Variants in SNTG1 observed in about 807,000 individuals in gnomAD.
SNTG1 encodes gamma-1-syntrophin.
A neutral mutation model predicts 74.7 loss-of-function variants in SNTG1; 39 were observed. That is an observed-to-expected ratio of 0.52 (90% CI 0.40 to 0.68). The LOEUF is 0.68. Ranked by LOEUF, SNTG1 falls within the 30% of genes least tolerant of loss-of-function variation. The pLI is 0.00. For missense variants in SNTG1, 685 were observed against 609.5 expected (o/e 1.12, Z -1.30); for synonymous variants, 254 against 217.1 (o/e 1.17, Z -1.49).
intron 8 of SNTG1, among the ~76,000 whole-genome samples, chr8:50,454,829 T>TAAAAAAAAAAAAAAAAAAAAAAAAAA (rs1158732952): frequency 8.4e-5 from 8 of 95,152 alleles, no homozygotes; most frequent in African/African-American, 3.5e-4. Flanking sequence ...CAGACAGAGC[T>TAAAAAAAAAAAAAAAAAAAAAAAAAA]AAAAAAAAAA....
intron 10 of SNTG1, among the ~76,000 whole-genome samples, chr8:50,532,094 G>C (rs558462545): frequency 2.6e-5 from 4 of 152,106 alleles, no homozygotes; most frequent in African/African-American, 7.2e-5. Flanking sequence ...TCTTCTTACT[G>C]GAGCTATGTC....
chr8:50,342,598 CTCAA>C (rs1441405249), intron 2 of SNTG1, among the ~76,000 whole-genome samples: 3 of 152,130 alleles, frequency 2.0e-5, no homozygotes, highest in African/African-American at 7.2e-5. Flanking sequence ...CTGCCAATGA[CTCAA>C]TCATGTTACA....
chr8:50,340,197 TTTTGTAGATAC>T (rs1198771211), intron 2 of SNTG1, among the ~76,000 whole-genome samples: 3 of 152,028 alleles, frequency 2.0e-5, no homozygotes, highest in Admixed American at 1.3e-4. Context: ...CAGCAAGGTA[TTTTGTAGATAC>T]TAATAAACTG....
chr8:50,227,850 G>A (rs1351666865), intron 2 of SNTG1, among the ~76,000 whole-genome samples: 1 of 148,592 alleles, frequency 6.7e-6, no homozygotes, highest in South Asian at 2.1e-4. Context: ...AAAAGGTAAG[G>A]TCTATTTCAT....
At chr8:50,739,979 A>G (rs2095539053) in intron 17 of SNTG1, among the ~76,000 whole-genome samples, 1 of 152,028 alleles carries the variant, frequency 6.6e-6, no homozygotes, top group African/African-American at 2.4e-5. Flanking sequence ...AACACAAGAT[A>G]TATTAAAGAC....
At chr8:50,277,950 G>A (rs1673616457) in intron 2 of SNTG1, among the ~76,000 whole-genome samples, 1 of 152,164 alleles carries the variant, frequency 6.6e-6, no homozygotes, top group Non-Finnish European at 1.5e-5. Context: ...TAGGCAAGTG[G>A]ATCACTTGAG....
chr8:50,352,951 C>G (rs987464311), intron 2 of SNTG1, among the ~76,000 whole-genome samples: 1 of 152,090 alleles, frequency 6.6e-6, no homozygotes, highest in African/African-American at 2.4e-5. Flanking sequence ...GAGACACACA[C>G]ACACGTATGT....
At chr8:49,973,757 G>A (rs1030176581) in intron 1 of SNTG1, among the ~76,000 whole-genome samples, 4 of 152,134 alleles carry the variant, frequency 2.6e-5, no homozygotes, top group African/African-American at 7.2e-5. Context: ...AGATACAGAG[G>A]TCAAGAAAGG....
At chr8:50,144,533 T>C (rs1258300753) in intron 1 of SNTG1, among the ~76,000 whole-genome samples, 1 of 152,124 alleles carries the variant, frequency 6.6e-6, no homozygotes, top group East Asian at 1.9e-4. Flanking sequence ...GTGCTGTAAG[T>C]GAAGGGTGAG....
intron 1 of SNTG1, among the ~76,000 whole-genome samples, chr8:50,005,955 CTTTTTTTTTTT>C (rs57041850): frequency 2.2e-5 from 2 of 89,376 alleles, no homozygotes; most frequent in African/African-American, 7.3e-5. Context: ...ATTACTTGCA[CTTTTTTTTTTT>C]TTTTTTTTTT....
Position 50,793,875 on chromosome 8 carries a change from T to C in SNTG1, c.*1046T>C, listed in dbSNP as rs1472813211. On this transcript the variant is annotated 3_prime_UTR_variant, in exon 19 of 19. Coordinates refer to ENST00000642720, the MANE Select transcript of SNTG1 (RefSeq NM_018967.5). Reference sequence around the variant, plus strand: ...GAGAAACAAAGGTGATATTTAAAGATAAAAGTTAAAATTCTTTAACCTCCC... The same window carrying C: ...GAGAAACAAAGGTGATATTTAAAGACAAAAGTTAAAATTCTTTAACCTCCC... The C allele has an allele frequency of 2.0e-5, 3 of 151,884 alleles. No homozygotes were observed. Among genetic ancestry groups the C allele is most frequent in the East Asian group, 3.9e-4 (2 of 5,184 alleles). 9.4% of individuals were successfully genotyped at this position (151,884 alleles called of 1,614,324 possible).
intron 1 of SNTG1, among the ~76,000 whole-genome samples, chr8:50,006,106 G>T (rs1413068365): frequency 3.3e-5 from 5 of 151,612 alleles, no homozygotes; most frequent in African/African-American, 4.8e-5. Context: ...GGGATTACAG[G>T]TGCATGCCAC....
chr8:50,549,427 C>T (rs555845916), intron 11 of SNTG1, among the ~76,000 whole-genome samples: 51 of 152,068 alleles, frequency 3.4e-4, no homozygotes, highest in Middle Eastern at 3.2e-3. Context: ...ATGTTCTGTC[C>T]TCACACACAG....
chr8:50,473,553 G>C (rs2093670308), intron 8 of SNTG1, among the ~76,000 whole-genome samples: 1 of 152,176 alleles, frequency 6.6e-6, no homozygotes, highest in Non-Finnish European at 1.5e-5. Context: ...ATGATCCAGA[G>C]TGTCTCCTCT....
intron 9 of SNTG1, among the ~76,000 whole-genome samples, chr8:50,524,863 T>C (rs1378730225): frequency 1.3e-5 from 2 of 152,126 alleles, no homozygotes; most frequent in African/African-American, 2.4e-5. Flanking sequence ...GGAATGACTG[T>C]ATAGTTATTT....
At chr8:50,409,199 A>G (rs2092916890) in intron 4 of SNTG1, among the ~76,000 whole-genome samples, 1 of 152,194 alleles carries the variant, frequency 6.6e-6, no homozygotes, top group African/African-American at 2.4e-5. Context: ...CTCTAATTTT[A>G]GTTATGCAGA....
At chr8:50,671,421 C>T (rs1328391188) in intron 15 of SNTG1, among the ~76,000 whole-genome samples, 1 of 150,918 alleles carries the variant, frequency 6.6e-6, no homozygotes, top group East Asian at 2.0e-4. Flanking sequence ...GATATTTATG[C>T]AGCCAAAAGA....
intron 1 of SNTG1, among the ~76,000 whole-genome samples, chr8:49,969,453 A>G (rs1180727473): frequency 7.0e-5 from 9 of 127,916 alleles, no homozygotes; most frequent in Non-Finnish European, 1.2e-4. Context: ...CAGGAGTGCA[A>G]TGGTGCAATC....
At chr8:50,239,365 G>A (rs978091781) in intron 2 of SNTG1, among the ~76,000 whole-genome samples, 9 of 152,166 alleles carry the variant, frequency 5.9e-5, no homozygotes, top group Non-Finnish European at 1.2e-4. Flanking sequence ...CATGGCTGGA[G>A]AAGTCTCAGG....
Sources: gnomAD v4.1 joint callset for allele counts (sites outside exome capture counted in the v4.1 genomes callset) on GRCh38, gnomAD v4.1.1 for gene constraint, MANE v1.5 for transcripts, NCBI Gene and HGNC (gene_info 2026-07-23, HGNC 2026-07-21) for gene names.